TKT: variants seen among roughly 807,000 people sequenced by gnomAD.
TKT encodes the protein epididymis luminal protein 107.
TKT carries 47 observed loss-of-function variants against 63.9 expected under a neutral mutation model. The ratio of observed to expected loss-of-function variants is 0.74; its 90% CI spans 0.58 to 0.94. TKT has a LOEUF of 0.94. TKT is among the 40% of genes least tolerant of loss of function. The pLI is 0.00. For missense variants in TKT, 721 were observed against 846.2 expected (o/e 0.85, Z 1.84); for synonymous variants, 338 against 334.1 (o/e 1.01, Z -0.13).
Position 53,225,305 on chromosome 3 carries a change from TTGGGGGAGG to T in TKT, c.*442_*450del, listed in dbSNP as rs142672701. Reference sequence around the variant, plus strand: ...GACCTGACTGCAAGGCTGTGGGGACTTGGGGGAGGTGGGGCGGCCCTGAGAGTGCCTGGT... The same window carrying T: ...GACCTGACTGCAAGGCTGTGGGGACTTGGGGCGGCCCTGAGAGTGCCTGGT... On this transcript the variant is annotated 3_prime_UTR_variant, in exon 14 of 14. Coordinates refer to ENST00000462138, the MANE Select transcript of TKT (RefSeq NM_001064.4). The T allele has an allele frequency of 0.17, 26,887 of 153,722 alleles. 2,423 individuals carry two copies. The highest frequency in any genetic ancestry group is 0.29 in the South Asian group (1,414 of 4,862). 9.5% of individuals were successfully genotyped at this position (153,722 alleles called of 1,614,324 possible).
rs1553678275 is a variant in TKT at position 53,235,165 on chromosome 3, G to C, written c.447C>G (p.Val149=). Residue 149 remains valine (V), a synonymous_variant, in exon 5 of 14, where the codon GTC becomes GTG. Coordinates refer to ENST00000462138, the MANE Select transcript of TKT (RefSeq NM_001064.4). ...GKYFDKASYR[V]YCLLGDGELS... ...GCTCCCCGTCTCCCAGCAAGCAATAGACTCGGTAGCTGTGGACAGAGAGTG... is the reference window on the plus strand; with the variant it reads ...GCTCCCCGTCTCCCAGCAAGCAATACACTCGGTAGCTGTGGACAGAGAGTG... The C allele has an allele frequency of 1.2e-6, 2 of 1,611,494 alleles. No homozygotes were observed. Among genetic ancestry groups the C allele is most frequent in the African/African-American group, 1.3e-5 (1 of 75,032 alleles).
At position 53,254,917 on chromosome 3, in the gene TKT, T is replaced by C. The variant is rs536910288; in HGVS notation, c.107+919A>G. Among the ~76,000 whole-genome samples, 186 of 152,320 alleles carry C rather than the reference T, an allele frequency of 1.2e-3. 2 individuals carry two copies. The highest frequency in any genetic ancestry group is 3.9e-3 in the African/African-American group (161 of 41,574). ...AAAAGGGCTGGCCAGGGAAGGATCT[T>C]GGGGCCTAGGCACGCCAGCTCCTGC... is the stretch of plus-strand genomic sequence containing the variant. On this transcript the variant is annotated intron_variant, in intron 1 of 13. Coordinates refer to ENST00000462138, the MANE Select transcript of TKT (RefSeq NM_001064.4).
At chr3:53,248,620 C>A (rs1356640972) in intron 1 of TKT, among the ~76,000 whole-genome samples, 1 of 132,286 alleles carries the variant, frequency 7.6e-6, no homozygotes, top group Admixed American at 8.5e-5. Flanking sequence ...ACAGTGGAGA[C>A]CCTGCCCCCC....
intron 4 of TKT, among the ~76,000 whole-genome samples, chr3:53,236,407 C>T (rs1189140626): frequency 5.9e-5 from 9 of 152,210 alleles, no homozygotes; most frequent in Non-Finnish European, 1.0e-4. Flanking sequence ...TCTCCTGCCT[C>T]ATACTGCTCT....
At chr3:53,236,569 G>A (rs1268956214) in intron 4 of TKT, among the ~76,000 whole-genome samples, 2 of 152,182 alleles carry the variant, frequency 1.3e-5, no homozygotes, top group Non-Finnish European at 2.9e-5. Flanking sequence ...GACCCTGCAG[G>A]GACTCTGGTC....
rs781914688 is a variant in TKT, at chr3:53,229,085, T to C, written c.1317A>G (p.Ser439=). The change falls in exon 10 of 14, where the codon TCA becomes TCG. Residue 439 remains serine (S), a synonymous_variant. Coordinates refer to ENST00000462138, the MANE Select transcript of TKT (RefSeq NM_001064.4). ...MALEDLAMFR[S]VPTSTVFYPS... Reference sequence around the variant, plus strand: ...GGTAAAAGACAGTTGATGTGGGGACTGACCGAAACATAGCCAGATCTTCTA... The same window carrying C: ...GGTAAAAGACAGTTGATGTGGGGACCGACCGAAACATAGCCAGATCTTCTA... The C allele has an allele frequency of 1.9e-6, 3 of 1,614,180 alleles. No homozygotes were observed. The highest frequency in any genetic ancestry group is 2.5e-6 in the Non-Finnish European group (3 of 1,180,022).
intron 10 of TKT, 91 bp from the exon 11 acceptor site, chr3:53,228,450 G>A (rs973485651): frequency 2.1e-6 from 3 of 1,437,052 alleles, no homozygotes; most frequent in South Asian, 1.2e-5. Flanking sequence ...CCCTTCCCAT[G>A]GGAGCGTTAG....
chr3:53,242,297 T>C, intron 1 of TKT, 55 bp from the exon 2 acceptor site: 2 of 1,540,664 alleles, frequency 1.3e-6, no homozygotes, highest in South Asian at 2.2e-5. Context: ...ACTCCTGAGC[T>C]ATTGTGCTCA....
chr3:53,233,372 C>A, intron 5 of TKT, 98 bp from the exon 6 acceptor site: 1 of 861,060 alleles, frequency 1.2e-6, no homozygotes, highest in East Asian at 3.0e-5. Flanking sequence ...GGGGTCTGCC[C>A]AGGCTCCACC....
chr3:53,243,692 G>A (rs1329791110), intron 1 of TKT: 5 of 450,160 alleles, frequency 1.1e-5, no homozygotes, highest in South Asian at 3.1e-5. Context: ...CTAATCCCAC[G>A]CTCCCAGTGC....
intron 1 of TKT, among the ~76,000 whole-genome samples, chr3:53,248,365 G>A (rs946690603): frequency 3.3e-5 from 5 of 152,222 alleles, no homozygotes; most frequent in African/African-American, 7.2e-5. Flanking sequence ...AGGGCTGGGC[G>A]TGGTGGCTCA....
chr3:53,237,611 A>AG lies in TKT; in HGVS notation c.438-2438dup, dbSNP rs574715438. ...TCATTAGATTTAAATTGGGGGTGGG[A>AG]GGCAGTGTGCTAAGAATAAGGAAAA... On this transcript the variant is annotated intron_variant, in intron 4 of 13. Coordinates refer to ENST00000462138, the MANE Select transcript of TKT (RefSeq NM_001064.4). Among the ~76,000 whole-genome samples the AG allele has an allele frequency of 4.4e-3, 666 of 151,900 alleles. 6 individuals carry two copies. Among genetic ancestry groups the AG allele is most frequent in the Non-Finnish European group, 6.9e-3 (472 of 67,954 alleles).
intron 1 of TKT, among the ~76,000 whole-genome samples, chr3:53,247,683 C>T (rs2106722184): frequency 1.3e-5 from 2 of 148,452 alleles, no homozygotes; most frequent in South Asian, 4.4e-4. Context: ...CCCAGGATGT[C>T]AGGGTGGAAA....
In TKT at chr3:53,241,131, C is replaced by A; in HGVS notation, c.339+1G>T. The A allele has an allele frequency of 4.5e-6, 7 of 1,553,482 alleles. No homozygotes were observed. Among genetic ancestry groups the A allele is most frequent in the Non-Finnish European group, 6.0e-6 (7 of 1,158,590 alleles). ...TGGGAGGCTCTGGCAGGAGCACTTA[C>A]CGGGACCGGGTGCCCGTCCAAGTCG... On this transcript the variant is annotated splice_donor_variant, in intron 3 of 13. Transcript: ENST00000462138. LOFTEE classifies it high-confidence loss of function.
intron 7 of TKT, 118 bp downstream of exon 7, chr3:53,231,239 T>G (rs1704741339): frequency 3.5e-6 from 4 of 1,153,964 alleles, no homozygotes; most frequent in Admixed American, 4.7e-5. Context: ...CAGGGATCAC[T>G]CCTCGCCCTA....
rs1553676956 is a variant in TKT, at chr3:53,231,358, T to C, written c.941A>G (p.Lys314Arg). The change falls in exon 7 of 14, where the codon AAG (lysine) becomes AGG (arginine). Residue 314 changes from lysine to arginine, a missense_variant and splice_region_variant. Lys to Arg is a conservative substitution (Grantham distance 26). Coordinates refer to ENST00000462138, the MANE Select transcript of TKT (RefSeq NM_001064.4). The part of the protein sequence containing the change: ...PSLPSYKVGD[K>R]IATRKAYGQA... ...AGAGAAACAGGCCCCACTTTGTACC[T>C]TGTCCCCAACTTTGTAGCTGGGCAG... is the stretch of plus-strand genomic sequence containing the variant. The C allele has an allele frequency of 1.2e-6, 2 of 1,613,038 alleles. No homozygotes were observed. The highest frequency in any genetic ancestry group is 3.3e-5 in the Admixed American group (2 of 60,012).
chr3:53,241,324 C>G (rs1203172695), intron 2 of TKT, 79 bp from the exon 3 acceptor site: 2 of 1,303,876 alleles, frequency 1.5e-6, no homozygotes, highest in African/African-American at 3.1e-5. Flanking sequence ...ACACTGACCC[C>G]TGGGGCCCGG....
Position 53,229,000 on chromosome 3 carries a change from A to G in TKT, c.1395+7T>C. 1 of 1,614,110 alleles carries G rather than the reference A, an allele frequency of 6.2e-7. No homozygotes were observed. Among genetic ancestry groups the G allele is most frequent in the Non-Finnish European group, 8.5e-7 (1 of 1,180,000 alleles). On this transcript the variant is annotated splice_region_variant and intron_variant, in intron 10 of 13. Transcript: ENST00000462138. ...CCAGCAGGAGAAAGAACAGCCATGC[A>G]ACCTACCTTTGTATTGGCGGCTAGT...
At chr3:53,229,503 C>A in intron 8 of TKT, 67 bp from the exon 9 acceptor site, 1 of 1,520,054 alleles carries the variant, frequency 6.6e-7, no homozygotes, top group South Asian at 1.2e-5. Flanking sequence ...GCCTAGGACC[C>A]CTTTTGTGGA....
Sources: allele counts gnomAD v4.1 joint callset (sites outside exome capture counted in the v4.1 genomes callset), GRCh38; gene constraint gnomAD v4.1.1; transcripts MANE v1.5; gene names NCBI Gene and HGNC (gene_info 2026-07-23, HGNC 2026-07-21).